CLEC2A: variants seen among roughly 807,000 people sequenced by gnomAD.
The protein encoded by CLEC2A is keratinocyte-associated C-type lectin.
CLEC2A carries 19 observed loss-of-function variants against 18.6 expected under a neutral mutation model. That is an observed-to-expected ratio of 1.02 (90% CI 0.71 to 1.50). The LOEUF (loss-of-function observed/expected upper bound fraction) is 1.50, where lower values mean the gene tolerates loss of function less well. CLEC2A is among the 40% of genes most tolerant of loss of function. CLEC2A has a pLI of 0.00. For synonymous variants in CLEC2A, 74 were observed against 64.0 expected, an observed-to-expected ratio of 1.16 and a Z score of -0.75; for missense variants, 190 against 207.9, an observed-to-expected ratio of 0.91 and a Z score of 0.53.
chr12:9,926,312 G>A lies in CLEC2A; in HGVS notation c.87C>T (p.Gly29=), dbSNP rs188348339. Residue 29 remains glycine (G), a synonymous_variant, in exon 2 of 5, where the codon GGC becomes GGT. Transcript: ENST00000455827. Reference sequence around the variant, plus strand: ...TAATAATACTCAGGAAGCACATAAGGCCAATCTTCCAGTTTTGTATCAACT... The same window carrying A: ...TAATAATACTCAGGAAGCACATAAGACCAATCTTCCAGTTTTGTATCAACT... ...VPKLIQNWKI[G]LMCFLSIIIT... The A allele has an allele frequency of 2.5e-4, 386 of 1,549,538 alleles. 4 individuals are homozygous for A. The African/African-American group carries it at 4.1e-3, about 17-fold the overall frequency.
chr12:9,918,056 A>C (rs925905674), intron 3 of CLEC2A, among the ~76,000 whole-genome samples: 8 of 152,116 alleles, frequency 5.3e-5, no homozygotes, highest in African/African-American at 1.9e-4. Flanking sequence ...TTGTCTGTTT[A>C]CTGTGTTAAT....
chr12:9,878,533 T>G, the CLEC2A span, among the ~76,000 whole-genome samples: 16 of 152,306 alleles, frequency 1.1e-4, no homozygotes, highest in African/African-American at 3.6e-4. Context: ...TAGAGAACAC[T>G]GAATAAATCT....
intron 4 of CLEC2A, among the ~76,000 whole-genome samples, chr12:9,900,024 G>A (rs187966245): frequency 1.2e-3 from 177 of 152,284 alleles, no homozygotes; most frequent in Admixed American, 2.3e-3. Flanking sequence ...CCTCCAATAA[G>A]GGAGAGGAAA....
At chr12:9,917,250 T>C (rs1258298267) in intron 3 of CLEC2A, among the ~76,000 whole-genome samples, 1 of 152,218 alleles carries the variant, frequency 6.6e-6, no homozygotes, top group Non-Finnish European at 1.5e-5. Flanking sequence ...CTGTGATATA[T>C]GTGAAGGTTT....
chr12:9,899,059 C>T lies in CLEC2A; in HGVS notation c.411-83G>A, dbSNP rs113208979. 5.2e-4 allele frequency: 341 copies of T among 656,156 alleles called. 1 individual carries two copies. The African/African-American group carries it at 5.5e-3, about 11-fold the overall frequency. 40.6% of individuals were successfully genotyped at this position (656,156 alleles called of 1,614,324 possible). ...AACAAGGGGAGGAGTAAGAATGGCT[C>T]GAAAATTCCAAGGCCTTTTATCAGT... is the stretch of plus-strand genomic sequence containing the variant. On this transcript the variant is annotated intron_variant, in intron 4 of 4. Coordinates refer to the CLEC2A transcript ENST00000339766.
At chr12:9,930,898 C>G (rs1413623761) in intron 1 of CLEC2A, among the ~76,000 whole-genome samples, 2 of 151,740 alleles carry the variant, frequency 1.3e-5, no homozygotes, top group Non-Finnish European at 2.9e-5. Flanking sequence ...AATCAGCGTC[C>G]ATTCTATTAA....
the CLEC2A span, among the ~76,000 whole-genome samples, chr12:9,883,091 T>C: frequency 6.6e-6 from 1 of 152,208 alleles, no homozygotes; most frequent in Non-Finnish European, 1.5e-5. Flanking sequence ...GAAAAATTAC[T>C]GTAGGCATGT....
At chr12:9,924,819 A>T (rs1253951665) in intron 2 of CLEC2A, among the ~76,000 whole-genome samples, 1 of 152,198 alleles carries the variant, frequency 6.6e-6, no homozygotes, top group East Asian at 1.9e-4. Context: ...AGTTAAACGC[A>T]CTTTTAAAAC....
At chr12:9,920,925 TA>T (rs1441322272) in intron 3 of CLEC2A, among the ~76,000 whole-genome samples, 1 of 152,220 alleles carries the variant, frequency 6.6e-6, no homozygotes, top group East Asian at 1.9e-4. Flanking sequence ...GAAAAGGGTT[TA>T]AAAAATCTAC....
At chr12:9,889,852 A>G in the CLEC2A span, among the ~76,000 whole-genome samples, 1 of 152,142 alleles carries the variant, frequency 6.6e-6, no homozygotes, top group Admixed American at 6.5e-5. Flanking sequence ...TGCTATATCA[A>G]TATATAAAGT....
chr12:9,885,257 T>C, the CLEC2A span, among the ~76,000 whole-genome samples: 7 of 151,828 alleles, frequency 4.6e-5, no homozygotes, highest in African/African-American at 1.7e-4. Flanking sequence ...TTTATTATCT[T>C]ATAATTAAAA....
chr12:9,912,665 C>CAAA (rs3053814), downstream of CLEC2A, among the ~76,000 whole-genome samples: 3,257 of 142,834 alleles, frequency 0.023, 59 homozygotes, highest in Middle Eastern at 0.036. Context: ...GGGTGAAAAG[C>CAAA]AAAAAAAAAA....
chr12:9,916,591 C>T (rs995157403), intron 4 of CLEC2A, 109 bp downstream of exon 4: 7 of 776,714 alleles, frequency 9.0e-6, no homozygotes, highest in Non-Finnish European at 1.5e-5. Flanking sequence ...AAAGTTAATT[C>T]CACATGGAAA....
At chr12:9,894,212 T>G (rs1443329207), downstream of CLEC2A, among the ~76,000 whole-genome samples, 1 of 149,880 alleles carries the variant, frequency 6.7e-6, no homozygotes, top group East Asian at 2.0e-4. Flanking sequence ...AGCAGAGCCT[T>G]GCTCTGTGGC....
chr12:9,932,264 A>G lies in CLEC2A; in HGVS notation c.55+11T>C, dbSNP rs968359278. 7.8e-6 allele frequency: 12 copies of G among 1,542,346 alleles called. No homozygotes were observed. The highest frequency in any genetic ancestry group is 6.9e-5 in the African/African-American group (5 of 72,806). ...CCTTTACTTCCTTCTCATTCACTCT[A>G]TAAAACTTACCTATCCGATGTATGA... On this transcript the variant is annotated intron_variant, in intron 1 of 4. Transcript: ENST00000455827.
chr12:9,894,716 A>T (rs959888434), downstream of CLEC2A, among the ~76,000 whole-genome samples: 33 of 152,132 alleles, frequency 2.2e-4, no homozygotes, highest in African/African-American at 7.7e-4. Context: ...ATATTTATCT[A>T]CTCCTGGATA....
At chr12:9,916,024 T>C (rs1426455898) in intron 4 of CLEC2A, among the ~76,000 whole-genome samples, 1 of 151,742 alleles carries the variant, frequency 6.6e-6, no homozygotes, top group Admixed American at 6.6e-5. Context: ...GAGATACATA[T>C]GTATCCAAGA....
intron 2 of CLEC2A, among the ~76,000 whole-genome samples, chr12:9,926,034 T>C (rs10845006): frequency 0.013 from 2,051 of 152,304 alleles, 19 homozygotes; most frequent in Non-Finnish European, 0.024. Context: ...TTCTTAAGCA[T>C]CAAGGACTAT....
the CLEC2A span, chr12:9,884,990 A>G: frequency 1.5e-6 from 2 of 1,339,886 alleles, no homozygotes; most frequent in Non-Finnish European, 1.9e-6. Flanking sequence ...ATGCATTGTG[A>G]TCCTTATATT....
Sources: gnomAD v4.1 joint callset for allele counts (sites outside exome capture counted in the v4.1 genomes callset) on GRCh38, gnomAD v4.1.1 for gene constraint, MANE v1.5 for transcripts, NCBI Gene and HGNC (gene_info 2026-07-23, HGNC 2026-07-21) for gene names.